Variants in SBNO1 observed in about 807,000 individuals in gnomAD.
The protein encoded by SBNO1 is strawberry notch homolog 1, also known as protein strawberry notch homolog 1.
A neutral mutation model predicts 173.6 loss-of-function variants in SBNO1; 23 were observed. That is an observed-to-expected ratio of 0.13 (90% CI 0.10 to 0.19). The LOEUF is 0.19. Ranked by LOEUF, SBNO1 falls within the 10% of genes least tolerant of loss-of-function variation. The pLI is 1.00. For missense variants in SBNO1, 1,238 were observed against 1,671.2 expected (o/e 0.74, Z 4.52); for synonymous variants, 632 against 571.5 (o/e 1.11, Z -1.51).
intron 3 of SBNO1, among the ~76,000 whole-genome samples, chr12:123,346,743 G>A (rs866075041): frequency 2.0e-5 from 3 of 151,934 alleles, no homozygotes; most frequent in Non-Finnish European, 2.9e-5. Flanking sequence ...TGTCATCAAT[G>A]ACCGTGTTAT....
At chr12:123,328,620 A>T in intron 10 of SBNO1, 114 bp downstream of exon 10, 1 of 846,552 alleles carries the variant, frequency 1.2e-6, no homozygotes, top group Non-Finnish European at 1.7e-6. Context: ...GGTAATCATT[A>T]AAGTTTTCAC....
At chr12:123,352,372 C>T (rs1318343383) in intron 1 of SBNO1, among the ~76,000 whole-genome samples, 1 of 152,120 alleles carries the variant, frequency 6.6e-6, no homozygotes, top group Admixed American at 6.5e-5. Context: ...AGTACAATGG[C>T]GCGGTCTCGG....
At chr12:123,364,043 G>A in intron 1 of SBNO1, 1 of 985,532 alleles carries the variant, frequency 1.0e-6, no homozygotes, top group Non-Finnish European at 1.2e-6. Context: ...CCCTCCATGG[G>A]TAATTCTTAG....
At chr12:123,331,884 C>T (rs1426017344) in intron 7 of SBNO1, among the ~76,000 whole-genome samples, 3 of 151,932 alleles carry the variant, frequency 2.0e-5, no homozygotes, top group African/African-American at 7.3e-5. Flanking sequence ...AACGGGGTCT[C>T]GCTCTGTTGC....
chr12:123,309,070 T>G (rs1229623115), intron 28 of SBNO1, among the ~76,000 whole-genome samples: 2 of 116,336 alleles, frequency 1.7e-5, no homozygotes, highest in Non-Finnish European at 4.3e-5. Context: ...AAACTCTGTC[T>G]CAGAAAGAAA....
intron 28 of SBNO1, 92 bp downstream of exon 28, chr12:123,309,218 C>G (rs2048996192): frequency 2.2e-6 from 2 of 910,112 alleles, no homozygotes; most frequent in South Asian, 1.4e-5. Context: ...CTAAACACAA[C>G]TGGGAAACAG....
At chr12:123,358,223 T>C (rs1874690124) in intron 1 of SBNO1, among the ~76,000 whole-genome samples, 2 of 152,252 alleles carry the variant, frequency 1.3e-5, no homozygotes, top group South Asian at 4.1e-4. Context: ...AACAAAGTTT[T>C]GACTGCATTT....
Position 123,336,501 on chromosome 12 carries a change from AG to A in SBNO1, c.652-11del. The A allele has an allele frequency of 6.3e-7, 1 of 1,582,180 alleles. No individual in the cohort carries two copies. Among genetic ancestry groups the A allele is most frequent in the South Asian group, 1.1e-5 (1 of 88,434 alleles). ...TTACAACAGGAACCTTCTGCAACACAGAAAGAGCACAATCAATCCCAAATCC... is the reference window on the plus strand; with the variant it reads ...TTACAACAGGAACCTTCTGCAACACAAAAGAGCACAATCAATCCCAAATCC... On this transcript the variant is annotated splice_polypyrimidine_tract_variant and intron_variant, in intron 5 of 31. Transcript: ENST00000602398.
At position 123,290,680 on chromosome 12, in the gene SBNO1, C is replaced by T. The variant is rs930414158; in HGVS notation, c.*5228G>A. 2.6e-5 allele frequency: 4 copies of T among 152,184 alleles called. No homozygotes were observed. Among genetic ancestry groups the T allele is most frequent in the Non-Finnish European group, 2.9e-5 (2 of 68,060 alleles). The allele number at this position is 152,184 out of a possible 1,614,324, so 9.4% of individuals were successfully genotyped here. A position where few individuals can be genotyped will look rare whatever the true frequency, so the allele number is the denominator to read the frequency against. On this transcript the variant is annotated 3_prime_UTR_variant, in exon 32 of 32. Transcript: ENST00000602398. ...CCTCCAGCAGAGTCAGCCTAGGAGG[C>T]TCCAGAGCAGTTGCTTGGCTCTCTT...
intron 28 of SBNO1, among the ~76,000 whole-genome samples, chr12:123,307,791 G>T (rs1015315230): frequency 6.6e-6 from 1 of 152,184 alleles, no homozygotes; most frequent in African/African-American, 2.4e-5. Flanking sequence ...TTAGCCACAT[G>T]CCAGGCGCGG....
intron 9 of SBNO1, among the ~76,000 whole-genome samples, chr12:123,329,587 C>A (rs1213836131): frequency 1.3e-5 from 2 of 151,286 alleles, no homozygotes; most frequent in African/African-American, 2.5e-5. Context: ...TAATACTACT[C>A]TGAAATTTAA....
intron 6 of SBNO1, 60 bp downstream of exon 6, chr12:123,336,335 G>C: frequency 9.2e-7 from 1 of 1,084,440 alleles, no homozygotes; most frequent in Non-Finnish European, 1.4e-6. Flanking sequence ...AAAACAAAAA[G>C]AACCAAAGAA....
rs927974027 is a variant in SBNO1 at position 123,292,556 on chromosome 12, G to A, written c.*3352C>T. 3 of 152,086 alleles carry A rather than the reference G, an allele frequency of 2.0e-5. No individual in the cohort carries two copies. Among genetic ancestry groups the A allele is most frequent in the African/African-American group, 7.2e-5 (3 of 41,428 alleles). 9.4% of individuals were successfully genotyped at this position (152,086 alleles called of 1,614,324 possible). ...ATCCCATGGAGGCCAGCAAATGAAT[G>A]CCCCAGGGACTACAGCCAGAAAATT... On this transcript the variant is annotated 3_prime_UTR_variant, in exon 32 of 32. Coordinates refer to ENST00000602398, the MANE Select transcript of SBNO1 (RefSeq NM_001167856.3).
rs1159193432 is a variant in SBNO1, at chr12:123,295,958, GCTGTTT to G, written c.4126_4131del (p.Lys1376_Gln1377del). On this transcript the variant is annotated inframe_deletion, in exon 32 of 32. Coordinates refer to ENST00000602398, the MANE Select transcript of SBNO1 (RefSeq NM_001167856.3). ...CTCTGAGGGTGATGCTGTTGCCATA[GCTGTTT>G]CTGTTGGACCGCAAGCTGTTGAGAC... The G allele has an allele frequency of 6.2e-7, 1 of 1,613,040 alleles. No homozygotes were observed. The highest frequency in any genetic ancestry group is 1.7e-5 in the Admixed American group (1 of 60,006).
intron 16 of SBNO1, among the ~76,000 whole-genome samples, chr12:123,322,825 A>G (rs1870144151): frequency 6.6e-6 from 1 of 151,324 alleles, no homozygotes; most frequent in Non-Finnish European, 1.5e-5. Flanking sequence ...GGTTGCAGTG[A>G]GCCAAGATGG....
chr12:123,321,961 A>C (rs947905325), intron 16 of SBNO1, among the ~76,000 whole-genome samples: 1 of 152,226 alleles, frequency 6.6e-6, no homozygotes, highest in African/African-American at 2.4e-5. Flanking sequence ...CAAAAGTACT[A>C]AGTCAAGACT....
At chr12:123,329,408 T>C (rs1248496319) in intron 9 of SBNO1, among the ~76,000 whole-genome samples, 1 of 149,522 alleles carries the variant, frequency 6.7e-6, no homozygotes, top group Non-Finnish European at 1.5e-5. Context: ...GTTTTCAAAG[T>C]CTTAAAAACT....
intron 21 of SBNO1, 27 bp from the exon 22 acceptor site, chr12:123,315,687 C>T: frequency 1.5e-6 from 2 of 1,300,488 alleles, no homozygotes; most frequent in South Asian, 2.4e-5. Flanking sequence ...TTTTAAAGAT[C>T]ATTGATTGTG....
intron 2 of SBNO1, among the ~76,000 whole-genome samples, chr12:123,349,301 T>C (rs1424966000): frequency 6.6e-6 from 1 of 151,992 alleles, no homozygotes; most frequent in East Asian, 1.9e-4. Flanking sequence ...AAGGTCTTGC[T>C]ACGTTGCCCA....
Sources: gnomAD v4.1 joint callset for allele counts (sites outside exome capture counted in the v4.1 genomes callset) on GRCh38, gnomAD v4.1.1 for gene constraint, MANE v1.5 for transcripts, NCBI Gene and HGNC (gene_info 2026-07-23, HGNC 2026-07-21) for gene names.